NELL2: variants seen among roughly 807,000 people sequenced by gnomAD.
NELL2 encodes neural EGFL like 2.
A neutral mutation model predicts 109.6 loss-of-function variants in NELL2; 41 were observed. The ratio of observed to expected loss-of-function variants is 0.37; its 90% CI spans 0.29 to 0.49. The LOEUF (loss-of-function observed/expected upper bound fraction) is 0.49. Among genes scored for constraint, NELL2 ranks in the 20% least tolerant of loss-of-function variants. NELL2 has a pLI of 0.98. For missense variants in NELL2, 900 were observed against 1,008.3 expected (o/e 0.89, Z 1.45); for synonymous variants, 355 against 344.7 (o/e 1.03, Z -0.33).
chr12:44,873,714 TA>T, intron 2 of NELL2, among the ~76,000 whole-genome samples: 1 of 143,452 alleles, frequency 7.0e-6, no homozygotes, highest in Admixed American at 7.0e-5. Flanking sequence ...AAATCAGAGA[TA>T]AAAACAACAC....
chr12:44,714,912 G>A (rs755814646), intron 9 of NELL2, among the ~76,000 whole-genome samples, 171 bp from the exon 10 acceptor site: 45 of 151,900 alleles, frequency 3.0e-4, no homozygotes, highest in Non-Finnish European at 5.3e-4. Context: ...TTAAATTAGT[G>A]TCATGCAAAT....
At chr12:44,832,095 T>C (rs1943907303) in intron 2 of NELL2, among the ~76,000 whole-genome samples, 3 of 152,260 alleles carry the variant, frequency 2.0e-5, no homozygotes. Flanking sequence ...CTCTATTCCA[T>C]ATTGCTTTTT....
chr12:44,655,839 G>C (rs1251570455), intron 13 of NELL2, among the ~76,000 whole-genome samples: 1 of 152,142 alleles, frequency 6.6e-6, no homozygotes, highest in East Asian at 1.9e-4. Flanking sequence ...AGATGAATGA[G>C]GCATCATTTA....
At chr12:44,796,276 T>C (rs1942617604) in intron 3 of NELL2, among the ~76,000 whole-genome samples, 1 of 152,140 alleles carries the variant, frequency 6.6e-6, no homozygotes, top group African/African-American at 2.4e-5. Flanking sequence ...GGATGGGTTT[T>C]AACTTAACTA....
upstream of NELL2, chr12:44,876,399 G>A: frequency 7.9e-7 from 1 of 1,269,092 alleles, no homozygotes; most frequent in Non-Finnish European, 1.0e-6. Flanking sequence ...AAGGAGGAGG[G>A]AGGGGCCGCC....
At chr12:44,641,376 T>C (rs980068768) in intron 13 of NELL2, among the ~76,000 whole-genome samples, 1 of 152,156 alleles carries the variant, frequency 6.6e-6, no homozygotes, top group East Asian at 1.9e-4. Context: ...CAAATGGATA[T>C]GGACAAAGTG....
At chr12:44,509,079 T>C (rs1232341815) in intron 19 of NELL2, 95 bp from the exon 20 acceptor site, 7 of 1,025,460 alleles carry the variant, frequency 6.8e-6, no homozygotes, top group Non-Finnish European at 1.0e-5. Context: ...AACAAAACTG[T>C]ATAATTTATT....
intron 13 of NELL2, among the ~76,000 whole-genome samples, chr12:44,639,584 T>C (rs1225420577): frequency 2.6e-5 from 4 of 152,180 alleles, no homozygotes; most frequent in Non-Finnish European, 1.5e-5. Context: ...CTTTTCCTTT[T>C]CCCTCATTCT....
At chr12:44,532,749 A>C in intron 15 of NELL2, 28 bp from the exon 16 acceptor site, 1 of 1,592,114 alleles carries the variant, frequency 6.3e-7, no homozygotes, top group Non-Finnish European at 8.6e-7. Context: ...ATTTTATAAA[A>C]TTATTTATCT....
upstream of NELL2, among the ~76,000 whole-genome samples, chr12:44,915,052 C>T (rs1322695909): frequency 2.0e-5 from 3 of 152,016 alleles, no homozygotes; most frequent in South Asian, 2.1e-4. Context: ...AGGGTTTCAC[C>T]GTGTTAGCCA....
intron 2 of NELL2, among the ~76,000 whole-genome samples, chr12:44,860,825 A>G (rs921688057): frequency 7.2e-5 from 11 of 152,224 alleles, no homozygotes; most frequent in Admixed American, 2.6e-4. Context: ...CTGACTCTCA[A>G]TCAGCCTACC....
chr12:44,558,236 G>A (rs182730349), intron 15 of NELL2, among the ~76,000 whole-genome samples: 38 of 152,290 alleles, frequency 2.5e-4, no homozygotes, highest in Admixed American at 9.1e-4. Context: ...ATGGATAATC[G>A]ATTGAGCTCT....
chr12:44,804,038 T>C (rs1291495242), intron 3 of NELL2, among the ~76,000 whole-genome samples: 1 of 151,972 alleles, frequency 6.6e-6, no homozygotes, highest in Non-Finnish European at 1.5e-5. Flanking sequence ...TCAAAACATG[T>C]AATATCTTAC....
At chr12:44,752,390 G>A (rs779632769) in intron 9 of NELL2, among the ~76,000 whole-genome samples, 58 of 152,008 alleles carry the variant, frequency 3.8e-4, no homozygotes, top group Non-Finnish European at 7.2e-4. Flanking sequence ...CAGTATGACT[G>A]ACATACAGTA....
chr12:44,611,493 C>A (rs1945620927), intron 13 of NELL2, among the ~76,000 whole-genome samples: 1 of 152,092 alleles, frequency 6.6e-6, no homozygotes, highest in African/African-American at 2.4e-5. Flanking sequence ...AATCTTTGAT[C>A]TCTTTAGTAA....
intron 13 of NELL2, among the ~76,000 whole-genome samples, chr12:44,624,898 C>G (rs1295701628): frequency 6.6e-6 from 1 of 150,400 alleles, no homozygotes; most frequent in Non-Finnish European, 1.5e-5. Context: ...TGGAAAGTTC[C>G]AGATCAGTGA....
intron 3 of NELL2, among the ~76,000 whole-genome samples, chr12:44,790,360 T>C (rs995633973): frequency 2.6e-5 from 4 of 152,198 alleles, no homozygotes; most frequent in Non-Finnish European, 5.9e-5. Context: ...CCAAGAATTT[T>C]GTATCTGGTG....
At chr12:44,762,253 C>G (rs747609864) in intron 9 of NELL2, among the ~76,000 whole-genome samples, 1 of 152,152 alleles carries the variant, frequency 6.6e-6, no homozygotes, top group Non-Finnish European at 1.5e-5. Context: ...CTTAGCCACT[C>G]TCCCAAATCC....
In NELL2 at chr12:44,863,949, G is replaced by A. The variant is rs145123608; in HGVS notation, c.184+11276C>T. ...AGGGAGTTGGCTGTAAATGTGTAGAGTTTTTCTTATGAGATCAAAGTTAAG... is the reference window on the plus strand; with the variant it reads ...AGGGAGTTGGCTGTAAATGTGTAGAATTTTTCTTATGAGATCAAAGTTAAG... On this transcript the variant is annotated intron_variant, in intron 2 of 19. Transcript: ENST00000429094. Among the ~76,000 whole-genome samples the A allele has an allele frequency of 7.0e-3, 1,057 of 151,924 alleles. 19 individuals carry two copies. The highest frequency in any genetic ancestry group is 0.024 in the African/African-American group (1,011 of 41,454).
Sources: allele counts gnomAD v4.1 joint callset (sites outside exome capture counted in the v4.1 genomes callset), GRCh38; gene constraint gnomAD v4.1.1; transcripts MANE v1.5; gene names NCBI Gene and HGNC (gene_info 2026-07-23, HGNC 2026-07-21).